Variants in SCFD2 observed in about 807,000 individuals in gnomAD.
SCFD2 encodes the protein sec1 family domain containing 2, also known as sec1 family domain-containing protein 2.
In SCFD2, 54 loss-of-function variants were observed where a neutral mutation model predicts 58.9. That is an observed-to-expected ratio of 0.92 (90% confidence interval 0.74 to 1.15). SCFD2 has a LOEUF of 1.15. SCFD2 is among the 50% of genes most tolerant of loss of function. SCFD2 has a pLI of 0.00. For synonymous variants in SCFD2, 321 were observed against 335.9 expected, an observed-to-expected ratio of 0.96 and a Z score of 0.49; for missense variants, 805 against 836.6, an observed-to-expected ratio of 0.96 and a Z score of 0.47.
At chr4:53,359,893 C>G (rs2149172378) in intron 1 of SCFD2, among the ~76,000 whole-genome samples, 1 of 152,320 alleles carries the variant, frequency 6.6e-6, no homozygotes, top group East Asian at 1.9e-4. Flanking sequence ...TGGGGCCACT[C>G]TGAAACAGTG....
chr4:53,220,269 C>A (rs1729008595), intron 4 of SCFD2, among the ~76,000 whole-genome samples: 1 of 152,186 alleles, frequency 6.6e-6, no homozygotes, highest in African/African-American at 2.4e-5. Context: ...GGAACACATG[C>A]TATAGAAAAC....
intron 4 of SCFD2, among the ~76,000 whole-genome samples, chr4:53,201,583 C>T (rs947674390): frequency 1.3e-5 from 2 of 152,000 alleles, no homozygotes; most frequent in Non-Finnish European, 2.9e-5. Flanking sequence ...AGTTCTAGAT[C>T]CCTGAGGAAT....
chr4:53,141,156 C>T (rs1376698192), intron 5 of SCFD2, among the ~76,000 whole-genome samples: 1 of 152,036 alleles, frequency 6.6e-6, no homozygotes, highest in Admixed American at 6.6e-5. Context: ...AACAACATGA[C>T]AGAACATTCC....
chr4:52,913,247 A>G (rs550616072), intron 6 of SCFD2, among the ~76,000 whole-genome samples: 2 of 152,106 alleles, frequency 1.3e-5, no homozygotes, highest in Non-Finnish European at 2.9e-5. Flanking sequence ...GCCTGTTAGG[A>G]ACCGGGCCAC....
intron 4 of SCFD2, among the ~76,000 whole-genome samples, chr4:53,234,219 G>A (rs1274115386): frequency 3.9e-5 from 6 of 152,178 alleles, no homozygotes; most frequent in Non-Finnish European, 8.8e-5. Flanking sequence ...CTGTCTAGCA[G>A]ACAGCATGTG....
At chr4:53,147,160 AT>A (rs1726356664) in intron 4 of SCFD2, among the ~76,000 whole-genome samples, 2 of 152,322 alleles carry the variant, frequency 1.3e-5, no homozygotes, top group East Asian at 3.9e-4. Flanking sequence ...CTCTAAAAAA[AT>A]TTTTTTTAAT....
intron 4 of SCFD2, among the ~76,000 whole-genome samples, chr4:53,147,057 C>T (rs908475150): frequency 4.6e-5 from 7 of 152,152 alleles, no homozygotes; most frequent in Non-Finnish European, 8.8e-5. Context: ...AGATGTGTGT[C>T]TGTGTGTATG....
At chr4:52,933,531 G>T (rs1330814666) in intron 5 of SCFD2, among the ~76,000 whole-genome samples, 4 of 152,136 alleles carry the variant, frequency 2.6e-5, no homozygotes, top group Non-Finnish European at 4.4e-5. Context: ...ATGTAGGATG[G>T]GTTTGAGAGA....
Position 53,355,478 on chromosome 4 carries a change from G to A in SCFD2, c.839-2712C>T, listed in dbSNP as rs182342250. On this transcript the variant is annotated intron_variant, in intron 1 of 8. Transcript: ENST00000401642. ...CCCAAGGACTTTTGACTAGGAAAGG[G>A]CAGAGCTAAGATTACTATAACTAAG... 3.3e-5 allele frequency among the ~76,000 whole-genome samples: 5 copies of A among 152,250 alleles called. No homozygotes were observed. In the East Asian group the frequency reaches 9.6e-4, roughly 29 times the overall value.
At chr4:53,198,826 A>G (rs1459609255) in intron 4 of SCFD2, among the ~76,000 whole-genome samples, 1 of 152,104 alleles carries the variant, frequency 6.6e-6, no homozygotes, top group African/African-American at 2.4e-5. Context: ...ACTTAACAGA[A>G]AAACTGTGCC....
intron 4 of SCFD2, among the ~76,000 whole-genome samples, chr4:53,270,686 C>T (rs1178868465): frequency 2.6e-5 from 4 of 152,114 alleles, no homozygotes; most frequent in East Asian, 3.9e-4. Flanking sequence ...TCACTATTCA[C>T]GAGTCAAGAT....
At chr4:53,255,666 C>T (rs193230247) in intron 4 of SCFD2, among the ~76,000 whole-genome samples, 1 of 152,350 alleles carries the variant, frequency 6.6e-6, no homozygotes, top group African/African-American at 2.4e-5. Context: ...CCCACCTTTC[C>T]CCCGTTTCTA....
intron 5 of SCFD2, among the ~76,000 whole-genome samples, chr4:53,057,058 G>A (rs1321612779): frequency 2.0e-5 from 3 of 152,106 alleles, no homozygotes; most frequent in Non-Finnish European, 4.4e-5. Context: ...GGTAGTGCAG[G>A]TCTGTAATCC....
At chr4:53,318,093 T>C (rs141988822) in intron 2 of SCFD2, among the ~76,000 whole-genome samples, 138 of 152,320 alleles carry the variant, frequency 9.1e-4, no homozygotes, top group African/African-American at 3.2e-3. Context: ...CAATAGATAA[T>C]GTAGAATTCA....
chr4:52,918,959 C>T (rs1056291804), intron 6 of SCFD2, among the ~76,000 whole-genome samples: 1 of 152,184 alleles, frequency 6.6e-6, no homozygotes, highest in Non-Finnish European at 1.5e-5. Flanking sequence ...CACTCCACTT[C>T]CCACTCACTG....
chr4:53,178,079 G>A (rs1325711539), intron 4 of SCFD2, among the ~76,000 whole-genome samples: 2 of 152,202 alleles, frequency 1.3e-5, no homozygotes, highest in Non-Finnish European at 2.9e-5. Flanking sequence ...TCCACCTCTG[G>A]GGGCAGGGCA....
rs188400766 is a variant in SCFD2 at position 52,916,686 on chromosome 4, G to A, written c.1707+4039C>T. On this transcript the variant is annotated intron_variant, in intron 6 of 8. Transcript: ENST00000401642. ...AAACACAACCTTTTAAAACAAATGG[G>A]TGTCAGCAATCAACCTTCTGCCATA... Among the ~76,000 whole-genome samples, 401 of 152,296 alleles carry A rather than the reference G, an allele frequency of 2.6e-3. 3 individuals are homozygous for A. Among genetic ancestry groups the A allele is most frequent in the Non-Finnish European group, 3.5e-3 (238 of 68,026 alleles).
chr4:53,336,640 T>C (rs1472009333), intron 2 of SCFD2, among the ~76,000 whole-genome samples: 1 of 152,196 alleles, frequency 6.6e-6, no homozygotes, highest in African/African-American at 2.4e-5. Flanking sequence ...TCCTCCCACC[T>C]TAACCTTCTG....
intron 2 of SCFD2, among the ~76,000 whole-genome samples, chr4:53,329,666 G>T (rs1733358603): frequency 6.6e-6 from 1 of 152,216 alleles, no homozygotes; most frequent in South Asian, 2.1e-4. Flanking sequence ...AGAAAAAGTA[G>T]AAACTCTAAA....
Sources: allele counts gnomAD v4.1 joint callset (sites outside exome capture counted in the v4.1 genomes callset), GRCh38; gene constraint gnomAD v4.1.1; transcripts MANE v1.5; gene names NCBI Gene and HGNC (gene_info 2026-07-23, HGNC 2026-07-21).